The following SLC24A3 variants were observed in gnomAD, a reference collection of about 807,000 sequenced individuals.
SLC24A3 encodes solute carrier family 24 member 3.
In SLC24A3, 28 loss-of-function variants were observed where a neutral mutation model predicts 75.8. The ratio of observed to expected loss-of-function variants is 0.37; its 90% confidence interval spans 0.27 to 0.51. The LOEUF is 0.51. Ranked by LOEUF, SLC24A3 falls within the 20% of genes least tolerant of loss-of-function variation. The probability of loss-of-function intolerance (pLI) is 0.94; values close to 1 mark genes in which losing one functional copy is unlikely to be tolerated. For missense variants in SLC24A3, 663 were observed against 847.8 expected (o/e 0.78, Z 2.71); for synonymous variants, 372 against 334.1 (o/e 1.11, Z -1.24).
At chr20:19,430,631 C>T (rs1393338415) in intron 2 of SLC24A3, among the ~76,000 whole-genome samples, 1 of 152,128 alleles carries the variant, frequency 6.6e-6, no homozygotes, top group Non-Finnish European at 1.5e-5. Context: ...AGCCCTTCTC[C>T]CTTGAGATGC....
In SLC24A3 at chr20:19,448,458, G is replaced by A. The variant is rs1036288361; in HGVS notation, c.272-67030G>A. Among the ~76,000 whole-genome samples the A allele has an allele frequency of 9.8e-4, 149 of 152,112 alleles. 2 individuals are homozygous for A. The highest frequency in any genetic ancestry group is 9.3e-3 in the Admixed American group (142 of 15,276). ...CTGATTCCAAATGCAAGCCTCGTCC[G>A]CCTGACTTCAACACCGTGTTTTCCC... On this transcript the variant is annotated intron_variant, in intron 2 of 16. Transcript: ENST00000328041.
chr20:19,678,757 C>T (rs2032568787), intron 9 of SLC24A3, among the ~76,000 whole-genome samples: 1 of 147,040 alleles, frequency 6.8e-6, no homozygotes. Flanking sequence ...GGGGCGGCTG[C>T]CGGGCGGAGG....
At chr20:19,342,224 G>T (rs1023142027) in intron 2 of SLC24A3, among the ~76,000 whole-genome samples, 23 of 152,176 alleles carry the variant, frequency 1.5e-4, no homozygotes, top group African/African-American at 5.6e-4. Flanking sequence ...TTATCTATCT[G>T]TTCTCCTGGA....
intron 12 of SLC24A3, among the ~76,000 whole-genome samples, chr20:19,690,507 C>T (rs1024178232): frequency 6.6e-5 from 10 of 152,002 alleles, no homozygotes; most frequent in African/African-American, 2.2e-4. Context: ...TGTGTTTCTT[C>T]GTAATCTTTG....
At chr20:19,659,497 TTCTTA>T (rs1204659138) in intron 7 of SLC24A3, among the ~76,000 whole-genome samples, 2 of 152,298 alleles carry the variant, frequency 1.3e-5, no homozygotes, top group East Asian at 3.9e-4. Flanking sequence ...GGAACTACAC[TTCTTA>T]TCTTATTAAT....
At chr20:19,252,650 G>T (rs948775730) in intron 1 of SLC24A3, among the ~76,000 whole-genome samples, 6 of 148,244 alleles carry the variant, frequency 4.0e-5, no homozygotes, top group South Asian at 4.4e-4. Context: ...TGGCGGGGGG[G>T]GGTGCCTGTT....
At chr20:19,493,905 G>T (rs1988241772) in intron 2 of SLC24A3, among the ~76,000 whole-genome samples, 1 of 152,188 alleles carries the variant, frequency 6.6e-6, no homozygotes, top group Admixed American at 6.5e-5. Flanking sequence ...TCACAGGCCT[G>T]GTTTGGAGGG....
intron 6 of SLC24A3, among the ~76,000 whole-genome samples, chr20:19,627,214 C>T (rs921364009): frequency 5.9e-5 from 9 of 152,192 alleles, no homozygotes; most frequent in African/African-American, 2.2e-4. Flanking sequence ...CCTCAAGATG[C>T]ATGTATCTGT....
At chr20:19,492,973 A>C (rs1988229847) in intron 2 of SLC24A3, among the ~76,000 whole-genome samples, 1 of 149,250 alleles carries the variant, frequency 6.7e-6, no homozygotes, top group South Asian at 2.1e-4. Flanking sequence ...AGAGTATGGT[A>C]TTTCTAATCT....
chr20:19,716,185 A>G lies in SLC24A3; in HGVS notation c.1720-1343A>G, dbSNP rs570186135. Among the ~76,000 whole-genome samples the G allele has an allele frequency of 2.6e-5, 4 of 151,916 alleles. No individual in the cohort carries two copies. In the East Asian group the frequency reaches 7.8e-4, roughly 30 times the overall value. ...AGCTGCTGCCGCTGCTGGCCCCAAA[A>G]CCACCCTCTGAGAACCACTGCTCTA... On this transcript the variant is annotated intron_variant, in intron 15 of 16. Transcript: ENST00000328041.
At chr20:19,270,175 A>G (rs982983898) in intron 1 of SLC24A3, among the ~76,000 whole-genome samples, 1 of 152,124 alleles carries the variant, frequency 6.6e-6, no homozygotes, top group Admixed American at 6.5e-5. Flanking sequence ...AGTGACTCAG[A>G]TCCTTTCATG....
chr20:19,492,641 A>G (rs1179015200), intron 2 of SLC24A3, among the ~76,000 whole-genome samples: 1 of 152,176 alleles, frequency 6.6e-6, no homozygotes, highest in Non-Finnish European at 1.5e-5. Context: ...TTACATGTTC[A>G]CCATATCCAC....
At chr20:19,432,278 A>ATATATATATATATAAGAT (rs1185838052) in intron 2 of SLC24A3, among the ~76,000 whole-genome samples, 3 of 140,894 alleles carry the variant, frequency 2.1e-5, no homozygotes, top group Non-Finnish European at 4.5e-5. Context: ...TGTTTTATAT[A>ATATATATATATATAAGAT]TATATATATA....
At chr20:19,382,856 A>G (rs1214646414) in intron 2 of SLC24A3, among the ~76,000 whole-genome samples, 1 of 152,126 alleles carries the variant, frequency 6.6e-6, no homozygotes, top group Non-Finnish European at 1.5e-5. Flanking sequence ...GTGCTCCGAT[A>G]TATTCACTCA....
intron 2 of SLC24A3, among the ~76,000 whole-genome samples, chr20:19,413,441 ACTTCT>A (rs1055952209): frequency 6.0e-4 from 92 of 152,240 alleles, no homozygotes; most frequent in African/African-American, 2.1e-3. Flanking sequence ...AAATTTTCTA[ACTTCT>A]CTTCAAGCAA....
At chr20:19,527,204 C>A (rs1249652759) in intron 3 of SLC24A3, among the ~76,000 whole-genome samples, 1 of 152,156 alleles carries the variant, frequency 6.6e-6, no homozygotes, top group African/African-American at 2.4e-5. Context: ...TCCCTCTACT[C>A]TAAATTCCCA....
chr20:19,477,471 G>C (rs1462791000), intron 2 of SLC24A3, among the ~76,000 whole-genome samples: 1 of 152,228 alleles, frequency 6.6e-6, no homozygotes, highest in African/African-American at 2.4e-5. Context: ...GATTTTAATA[G>C]CAGATAAAGT....
At chr20:19,584,005 A>C (rs935645234) in intron 4 of SLC24A3, among the ~76,000 whole-genome samples, 1 of 152,192 alleles carries the variant, frequency 6.6e-6, no homozygotes, top group Non-Finnish European at 1.5e-5. Flanking sequence ...CTGGCTGAGC[A>C]AGGAAGTGCA....
At chr20:19,382,818 T>C (rs1986205056) in intron 2 of SLC24A3, among the ~76,000 whole-genome samples, 3 of 152,200 alleles carry the variant, frequency 2.0e-5, no homozygotes, top group Non-Finnish European at 2.9e-5. Flanking sequence ...TGTTTGGTTG[T>C]AGCCAGGATA....
Sources: gnomAD v4.1 joint callset for allele counts (sites outside exome capture counted in the v4.1 genomes callset) on GRCh38, gnomAD v4.1.1 for gene constraint, MANE v1.5 for transcripts, NCBI Gene and HGNC (gene_info 2026-07-23, HGNC 2026-07-21) for gene names.